PPFIA3: variants seen among roughly 807,000 people sequenced by gnomAD.
PPFIA3 encodes PPFI scaffold protein A3, also known as liprin-alpha-3.
PPFIA3 carries 26 observed loss-of-function variants against 145.8 expected under a neutral mutation model. The ratio of observed to expected loss-of-function variants is 0.18; its 90% CI spans 0.13 to 0.25. The LOEUF (loss-of-function observed/expected upper bound fraction) is 0.25, where lower values mean the gene tolerates loss of function less well. Among genes scored for constraint, PPFIA3 ranks in the 10% least tolerant of loss-of-function variants. PPFIA3 has a pLI of 1.00. For synonymous variants in PPFIA3, 645 were observed against 661.4 expected (o/e 0.98, Z 0.38); for missense variants, 1,008 against 1,587.8 (o/e 0.63, Z 6.21).
At chr19:49,143,059 C>T (rs2041242301) in intron 21 of PPFIA3, 55 bp downstream of exon 21, 2 of 1,568,832 alleles carry the variant, frequency 1.3e-6, no homozygotes, top group Non-Finnish European at 1.7e-6. Flanking sequence ...CCGCCTCTTG[C>T]CCTCAGTCTA....
At position 49,130,376 on chromosome 19, in the gene PPFIA3, A is replaced by G; in HGVS notation, c.658-2A>G. 6.2e-7 allele frequency: 1 copy of G among 1,601,202 alleles called. No homozygotes were observed. Among genetic ancestry groups the G allele is most frequent in the Non-Finnish European group, 8.5e-7 (1 of 1,173,648 alleles). The stretch of plus-strand genomic sequence containing the variant: ...TCTTGTCCCCTCCTTCCCTCACTCC[A>G]GACTCTTGCCAATGGCCTGGGTCCT... On this transcript the variant is annotated splice_acceptor_variant, in intron 6 of 29. Transcript: ENST00000334186. LOFTEE classifies it high-confidence loss of function. The surrounding 1 kb of genome is among the most constrained non-coding windows in gnomAD (Gnocchi z 4.5).
In PPFIA3 at chr19:49,134,020, T is replaced by C. The variant is rs773917961; in HGVS notation, c.1246-14T>C. The stretch of plus-strand genomic sequence containing the variant: ...GGGTGGGCTTAACAACCCGCCCCGC[T>C]CTGCTTTGCGCAGGCCCGGCAGCGG... On this transcript the variant is annotated splice_polypyrimidine_tract_variant and intron_variant, in intron 10 of 29. Coordinates refer to ENST00000334186, the MANE Select transcript of PPFIA3 (RefSeq NM_003660.4). 1.9e-6 allele frequency: 3 copies of C among 1,610,368 alleles called. No individual in the cohort carries two copies. The highest frequency in any genetic ancestry group is 1.1e-5 in the South Asian group (1 of 90,566).
rs369230655 is a variant in PPFIA3 at position 49,141,535 on chromosome 19, C to CGT, written c.2462+33_2462+34dup. On this transcript the variant is annotated intron_variant, in intron 19 of 29. Coordinates refer to ENST00000334186, the MANE Select transcript of PPFIA3 (RefSeq NM_003660.4). ...GGAAGTGAGTGTGTGTGAGTGTGAG[C>CGT]GTGTGTGTGTGTATGTGAATGTGAG... 67 of 1,575,806 alleles carry CGT rather than the reference C, an allele frequency of 4.3e-5. 1 individual carries two copies. The highest frequency in any genetic ancestry group is 1.5e-4 in the Admixed American group (9 of 58,674).
chr19:49,141,556 G>T, intron 19 of PPFIA3, 43 bp downstream of exon 19: 1 of 1,501,144 alleles, frequency 6.7e-7, no homozygotes, highest in South Asian at 1.1e-5. Flanking sequence ...GTATGTGAAT[G>T]TGAGAGTGTG....
At position 49,142,120 on chromosome 19, in the gene PPFIA3, T is replaced by A. The variant is rs778814518; in HGVS notation, c.2544+5T>A. On this transcript the variant is annotated splice_donor_5th_base_variant and intron_variant, in intron 20 of 29. Transcript: ENST00000334186. Reference sequence around the variant, plus strand: ...ACCGTGGTGTCCTGGCTGGAGGTACTGGGGCCCAGAAATGCCCTGACTGTT... The same window carrying A: ...ACCGTGGTGTCCTGGCTGGAGGTACAGGGGCCCAGAAATGCCCTGACTGTT... The A allele has an allele frequency of 3.2e-6, 5 of 1,565,660 alleles. No individual in the cohort carries two copies. In the African/African-American group the frequency reaches 6.7e-5, roughly 21 times the overall value.
rs200155721 is a variant in PPFIA3, at chr19:49,135,861, G to A, written c.1603G>A (p.Ala535Thr). Residue 535 changes from alanine to threonine, a missense_variant, in exon 14 of 30, where the codon GCT becomes ACT. This residue lies in a region of PPFIA3 where 121 missense variants were observed against 138.2 expected (regional missense o/e 0.88). Transcript: ENST00000334186. ...PSGAHLDPYV[A>T]GSGRAGKRGR... ...TGGTGCCCACCTGGATCCCTATGTG[G>A]CTGGCAGTGGTCGGGCAGGCAAGAG... 2.5e-6 allele frequency: 4 copies of A among 1,613,878 alleles called. No homozygotes were observed. In the Admixed American group the frequency reaches 6.7e-5, roughly 27 times the overall value.
Position 49,139,970 on chromosome 19 carries a change from C to A in PPFIA3, c.2250C>A (p.Thr750=). ...DGGPPRGSEG[T]PDSLHKAPKK... The stretch of plus-strand genomic sequence containing the variant: ...TCTCCTGCTTTCCCAGTGAGGGCAC[C>A]CCAGATTCTCTGCACAAAGCCCCCA... The change falls in exon 18 of 30, where the codon ACC becomes ACA. Residue 750 remains threonine (T), a synonymous_variant. Transcript: ENST00000334186. 1 of 1,614,080 alleles carries A rather than the reference C, an allele frequency of 6.2e-7. No individual in the cohort carries two copies. Among genetic ancestry groups the A allele is most frequent in the Non-Finnish European group, 8.5e-7 (1 of 1,180,028 alleles).
At chr19:49,150,041 G>C in intron 28 of PPFIA3, 39 bp from the exon 29 acceptor site, 1 of 1,585,394 alleles carries the variant, frequency 6.3e-7, no homozygotes, top group Non-Finnish European at 8.6e-7. Context: ...ACAGGGAGGA[G>C]GGTGCTCCAG....
chr19:49,137,205 G>A lies in PPFIA3; in HGVS notation c.1853+294G>A, dbSNP rs951532463. 7.2e-5 allele frequency: 22 copies of A among 305,070 alleles called. No homozygotes were observed. The East Asian group carries it at 7.8e-4, about 11-fold the overall frequency. The allele number at this position is 305,070 out of a possible 1,614,324, so 18.9% of individuals were successfully genotyped here. On this transcript the variant is annotated intron_variant, in intron 15 of 29. Transcript: ENST00000334186. The stretch of plus-strand genomic sequence containing the variant: ...TGATGCATCAAGAATCTTCCATTAC[G>A]CCATCGATTTTGTGGTTTCACATAA...
intron 23 of PPFIA3, chr19:49,146,434 C>T (rs1247701697): frequency 8.6e-6 from 5 of 583,624 alleles, no homozygotes; most frequent in East Asian, 2.9e-5. Flanking sequence ...ATTTCATCAT[C>T]GTGGGTTGTG....
intron 1 of PPFIA3, among the ~76,000 whole-genome samples, chr19:49,123,063 C>CT (rs2040956421): frequency 6.7e-6 from 1 of 149,624 alleles, no homozygotes; most frequent in Middle Eastern, 3.8e-3. Context: ...GAGTCTCACT[C>CT]TGTCACCCAG....
At chr19:49,143,122 C>A in intron 21 of PPFIA3, 118 bp downstream of exon 21, 1 of 1,181,174 alleles carries the variant, frequency 8.5e-7, no homozygotes, top group African/African-American at 1.5e-5. Context: ...TTCTCATTGG[C>A]TTTTACCCCC....
chr19:49,150,511 T>C lies in PPFIA3; in HGVS notation c.*289T>C, dbSNP rs2041335621. On this transcript the variant is annotated 3_prime_UTR_variant, in exon 30 of 30. Transcript: ENST00000334186. ...CTACTTTGTAATTTATTGATCAGTT[T>C]CTGTTGGGAGACGGGTGTCCTTTAC... 1 of 176,192 alleles carries C rather than the reference T, an allele frequency of 5.7e-6. No individual in the cohort carries two copies. Among genetic ancestry groups the C allele is most frequent in the South Asian group, 1.7e-4 (1 of 5,996 alleles). The allele number at this position is 176,192 out of a possible 1,614,324, so 10.9% of individuals were successfully genotyped here. A position where few individuals can be genotyped will look rare whatever the true frequency, so the allele number is the denominator to read the frequency against.
chr19:49,136,824 A>C lies in PPFIA3; in HGVS notation c.1766A>C (p.Glu589Ala). The change falls in exon 15 of 30, where the codon GAG becomes GCG. Residue 589 changes from glutamate (E) to alanine (A), a missense_variant. Physicochemically the swap from Glu to Ala is moderately radical, Grantham distance 107. Coordinates refer to ENST00000334186, the MANE Select transcript of PPFIA3 (RefSeq NM_003660.4). The stretch of plus-strand genomic sequence containing the variant: ...GAGGCAGAGGGGATGTTTGGGGCCG[A>C]GCTGCTGTCCCCCAGTGGGCAGGCT... ...EEEAEGMFGAELLSPSGQADV... is the reference protein window; with the variant it reads ...EEEAEGMFGAALLSPSGQADV... 1 of 1,591,296 alleles carries C rather than the reference A, an allele frequency of 6.3e-7. No homozygotes were observed.
At position 49,134,826 on chromosome 19, in the gene PPFIA3, C is replaced by T. The variant is rs760746180; in HGVS notation, c.1441-10C>T. On this transcript the variant is annotated splice_polypyrimidine_tract_variant and intron_variant, in intron 12 of 29. Coordinates refer to ENST00000334186, the MANE Select transcript of PPFIA3 (RefSeq NM_003660.4). ...GATTCTAACCCGACACCTCCAACACCGGCCCCCAGGAGCAGCTCTTGGCCG... is the reference window on the plus strand; with the variant it reads ...GATTCTAACCCGACACCTCCAACACTGGCCCCCAGGAGCAGCTCTTGGCCG... The T allele has an allele frequency of 1.2e-5, 19 of 1,598,926 alleles. No homozygotes were observed. Among genetic ancestry groups the T allele is most frequent in the Middle Eastern group, 1.7e-4 (1 of 6,020 alleles).
In PPFIA3 at chr19:49,150,291, C is replaced by T; in HGVS notation, c.*69C>T. On this transcript the variant is annotated 3_prime_UTR_variant, in exon 30 of 30. Transcript: ENST00000334186. Reference sequence around the variant, plus strand: ...GAGGCTGGGCTGTTCCCTCTCCTGCCCGGACTGTGGCCTCGCCGGGGAGAG... The same window carrying T: ...GAGGCTGGGCTGTTCCCTCTCCTGCTCGGACTGTGGCCTCGCCGGGGAGAG... 3 of 826,914 alleles carry T rather than the reference C, an allele frequency of 3.6e-6. No homozygotes were observed. The South Asian group carries it at 5.3e-5, about 15-fold the overall frequency. 51.2% of individuals were successfully genotyped at this position (826,914 alleles called of 1,614,324 possible).
rs957448806 is a variant in PPFIA3 at position 49,128,613 on chromosome 19, C to A, written c.342+145C>A. 6.1e-6 allele frequency: 5 copies of A among 816,974 alleles called. No individual in the cohort carries two copies. The highest frequency in any genetic ancestry group is 9.7e-6 in the Non-Finnish European group (5 of 514,472). The allele number at this position is 816,974 out of a possible 1,614,324, so 50.6% of individuals were successfully genotyped here. The stretch of plus-strand genomic sequence containing the variant: ...CTTCTCCTCTTCCCTGCTCCCACTT[C>A]CTGGCTGGTCTCCCACTCTGGTGCC... On this transcript the variant is annotated intron_variant, in intron 3 of 29. Transcript: ENST00000334186. The surrounding 1 kb of genome is among the most constrained non-coding windows in gnomAD (Gnocchi z 4.1).
chr19:49,133,406 G>C lies in PPFIA3; in HGVS notation c.1161+35G>C. 1 of 1,560,030 alleles carries C rather than the reference G, an allele frequency of 6.4e-7. No homozygotes were observed. Among genetic ancestry groups the C allele is most frequent in the South Asian group, 1.2e-5 (1 of 85,482 alleles). ...GGACTCGGGTCGGGGCCTTGCGTGG[G>C]GAAGGGGTGGGGCCTAGAGGAGGCG... is the stretch of plus-strand genomic sequence containing the variant. On this transcript the variant is annotated intron_variant, in intron 9 of 29. Coordinates refer to ENST00000334186, the MANE Select transcript of PPFIA3 (RefSeq NM_003660.4). The surrounding 1 kb of genome is among the most constrained non-coding windows in gnomAD (Gnocchi z 7.2).
Position 49,128,150 on chromosome 19 carries a change from G to A in PPFIA3, c.240+37G>A, listed in dbSNP as rs1482037572. The A allele has an allele frequency of 5.4e-6, 8 of 1,474,952 alleles. 1 individual carries two copies. The South Asian group carries it at 1.1e-4, about 20-fold the overall frequency. The allele number at this position is 1,474,952 out of a possible 1,614,324, so 91.4% of individuals were successfully genotyped here. A position where few individuals can be genotyped will look rare whatever the true frequency, so the allele number is the denominator to read the frequency against. On this transcript the variant is annotated intron_variant, in intron 2 of 29. Transcript: ENST00000334186. The surrounding 1 kb of genome is among the most constrained non-coding windows in gnomAD (Gnocchi z 4.1). ...ACAGGGGCGGGGCATGAGGGGGCGG[G>A]GCCTCGGGGGGAAGAAGGCGGTCCG...
Sources: gnomAD v4.1 joint callset for allele counts (sites outside exome capture counted in the v4.1 genomes callset) on GRCh38, gnomAD v4.1.1 for gene constraint, gnomAD v4.1.1 regional missense constraint, Gnocchi (gnomAD v3.1) non-coding constraint, MANE v1.5 for transcripts, NCBI Gene and HGNC (gene_info 2026-07-23, HGNC 2026-07-21) for gene names.